Variants in GPC5 observed in about 807,000 individuals in gnomAD.
GPC5 encodes glypican-5.
GPC5 carries 47 observed loss-of-function variants against 53.9 expected under a neutral mutation model. That is an observed-to-expected ratio of 0.87 (90% confidence interval 0.69 to 1.11). The LOEUF is 1.11. GPC5 is among the 50% of genes most tolerant of loss of function. The pLI is 0.00. For missense variants in GPC5, 748 were observed against 713.1 expected (o/e 1.05, Z -0.56); for synonymous variants, 286 against 263.3 (o/e 1.09, Z -0.84).
At chr13:91,958,193 C>A (rs1228101093) in intron 6 of GPC5, among the ~76,000 whole-genome samples, 1 of 149,942 alleles carries the variant, frequency 6.7e-6, no homozygotes, top group Non-Finnish European at 1.5e-5. Context: ...GAAACAGATA[C>A]TCCATGCAAA....
chr13:92,134,421 T>G (rs1018136263), intron 6 of GPC5, among the ~76,000 whole-genome samples: 5 of 152,126 alleles, frequency 3.3e-5, no homozygotes, highest in African/African-American at 4.8e-5. Flanking sequence ...TACGTTAAAA[T>G]GTAAAAAGTG....
At chr13:92,486,071 C>T (rs1337090382) in intron 7 of GPC5, among the ~76,000 whole-genome samples, 1 of 152,152 alleles carries the variant, frequency 6.6e-6, no homozygotes, top group African/African-American at 2.4e-5. Context: ...CTTAATGATC[C>T]AGATTTCCTT....
intron 2 of GPC5, among the ~76,000 whole-genome samples, chr13:91,564,565 G>A (rs757389881): frequency 3.4e-4 from 51 of 152,158 alleles, no homozygotes; most frequent in Admixed American, 1.6e-3. Context: ...GAATTTTAAT[G>A]TATTTGCAAA....
intron 7 of GPC5, among the ~76,000 whole-genome samples, chr13:92,345,958 T>G (rs2043407969): frequency 6.6e-6 from 1 of 152,214 alleles, no homozygotes; most frequent in South Asian, 2.1e-4. Flanking sequence ...TCTTTAAAAC[T>G]GAGCTGATTG....
chr13:92,423,240 C>T (rs913432183), intron 7 of GPC5, among the ~76,000 whole-genome samples: 6 of 152,300 alleles, frequency 3.9e-5, no homozygotes, highest in African/African-American at 1.4e-4. Context: ...GGTTTCAACA[C>T]ATGAATTTGT....
chr13:91,694,579 T>C (rs2035839229), intron 3 of GPC5, among the ~76,000 whole-genome samples: 1 of 152,218 alleles, frequency 6.6e-6, no homozygotes, highest in Admixed American at 6.5e-5. Context: ...TCACCTTACA[T>C]AGAACCATTT....
intron 7 of GPC5, among the ~76,000 whole-genome samples, chr13:92,453,133 T>C (rs969176845): frequency 2.0e-5 from 3 of 152,194 alleles, no homozygotes; most frequent in African/African-American, 7.2e-5. Context: ...CCTCACATTC[T>C]AGAATAATAT....
At chr13:92,816,203 G>A (rs1336129380) in intron 7 of GPC5, among the ~76,000 whole-genome samples, 1 of 151,988 alleles carries the variant, frequency 6.6e-6, no homozygotes, top group Non-Finnish European at 1.5e-5. Context: ...TTTTCATTCT[G>A]TTTTACTTCA....
intron 7 of GPC5, among the ~76,000 whole-genome samples, chr13:92,849,968 C>T (rs1254243717): frequency 1.3e-5 from 2 of 152,118 alleles, no homozygotes; most frequent in South Asian, 4.1e-4. Flanking sequence ...GATTGCCAAC[C>T]CTGCCATAGA....
At chr13:91,432,376 A>G (rs1879559508) in intron 1 of GPC5, among the ~76,000 whole-genome samples, 1 of 152,202 alleles carries the variant, frequency 6.6e-6, no homozygotes, top group Admixed American at 6.5e-5. Flanking sequence ...ATTAATGAAC[A>G]CAGAAAACAT....
intron 7 of GPC5, among the ~76,000 whole-genome samples, chr13:92,735,964 C>G (rs1888923890): frequency 6.6e-6 from 1 of 151,966 alleles, no homozygotes; most frequent in Non-Finnish European, 1.5e-5. Context: ...TGCTGTAACA[C>G]TGGAGAGTGC....
intron 7 of GPC5, among the ~76,000 whole-genome samples, chr13:92,287,071 T>G (rs12864903): frequency 0.085 from 13,001 of 152,186 alleles, 617 homozygotes; most frequent in Middle Eastern, 0.12. Context: ...TTTTGTTGCT[T>G]AATCCACCAA....
intron 5 of GPC5, among the ~76,000 whole-genome samples, chr13:91,846,598 T>C (rs1050476923): frequency 6.6e-6 from 1 of 152,036 alleles, no homozygotes; most frequent in Non-Finnish European, 1.5e-5. Context: ...TAGGCTTGTC[T>C]ATCATTGGCT....
chr13:92,178,118 G>A (rs966573283), intron 7 of GPC5, among the ~76,000 whole-genome samples: 16 of 152,098 alleles, frequency 1.1e-4, no homozygotes, highest in Non-Finnish European at 1.8e-4. Flanking sequence ...AAGGGATGCC[G>A]CAAAGGGAAG....
chr13:92,034,433 G>A (rs59551510), intron 6 of GPC5, among the ~76,000 whole-genome samples: 18,440 of 152,150 alleles, frequency 0.12, 1,343 homozygotes, highest in Admixed American at 0.19. Flanking sequence ...AGGAGGCAGA[G>A]GTTGCAGTGA....
intron 6 of GPC5, among the ~76,000 whole-genome samples, chr13:91,933,938 G>A (rs941045185): frequency 1.0e-3 from 158 of 151,790 alleles, no homozygotes; most frequent in Admixed American, 8.4e-3. Context: ...ATGCATCATA[G>A]TTTGTCTTCA....
chr13:91,740,349 A>G (rs1014187293), intron 4 of GPC5, among the ~76,000 whole-genome samples: 2 of 152,100 alleles, frequency 1.3e-5, no homozygotes, highest in African/African-American at 4.8e-5. Flanking sequence ...TTCTATATTC[A>G]TTTCACAGAG....
At chr13:91,986,061 C>CTTTTTTTTTTTTTTTTTTT (rs779259362) in intron 6 of GPC5, among the ~76,000 whole-genome samples, 1 of 95,438 alleles carries the variant, frequency 1.0e-5, no homozygotes, top group Non-Finnish European at 1.9e-5. Context: ...TTAGCCAATA[C>CTTTTTTTTTTTTTTTTTTT]TTTTTTTTTT....
At chr13:92,840,661 G>T (rs1439657500) in intron 7 of GPC5, among the ~76,000 whole-genome samples, 3 of 151,840 alleles carry the variant, frequency 2.0e-5, no homozygotes, top group African/African-American at 7.3e-5. Flanking sequence ...ATTTTGATAG[G>T]GATTGCATTA....
Sources: gnomAD v4.1 joint callset for allele counts (sites outside exome capture counted in the v4.1 genomes callset) on GRCh38, gnomAD v4.1.1 for gene constraint, MANE v1.5 for transcripts, NCBI Gene and HGNC (gene_info 2026-07-23, HGNC 2026-07-21) for gene names.